NAT10: variants seen among roughly 807,000 people sequenced by gnomAD.
NAT10 encodes RNA cytidine acetyltransferase.
A neutral mutation model predicts 132.2 loss-of-function variants in NAT10; 109 were observed. That is an observed-to-expected ratio of 0.82 (90% CI 0.71 to 0.97). NAT10 has a LOEUF of 0.97. Ranked by LOEUF, NAT10 falls within the 50% of genes least tolerant of loss-of-function variation. The pLI, the probability that NAT10 is intolerant of heterozygous loss-of-function variation, is 0.00. For missense variants in NAT10, 1,184 were observed against 1,263.4 expected, an observed-to-expected ratio of 0.94 and a Z score of 0.95; for synonymous variants, 479 against 478.0, an observed-to-expected ratio of 1.00 and a Z score of -0.03.
Position 34,143,434 on chromosome 11 carries a change from C to CT in NAT10, c.2886-3dup, listed in dbSNP as rs751504103. The CT allele has an allele frequency of 1.1e-5, 17 of 1,605,310 alleles. No homozygotes were observed. Among genetic ancestry groups the CT allele is most frequent in the Middle Eastern group, 1.7e-4 (1 of 6,022 alleles). ...TCTAGCAGGCTTTGATAGTTCCCTT[C>CT]TTTTTTTTAGATACATAATCCGTGG... is the stretch of plus-strand genomic sequence containing the variant. On this transcript the variant is annotated splice_polypyrimidine_tract_variant and intron_variant, in intron 27 of 28. Transcript: ENST00000257829.
intron 1 of NAT10, among the ~76,000 whole-genome samples, chr11:34,106,502 G>A (rs1182092352): frequency 6.6e-6 from 1 of 151,838 alleles, no homozygotes; most frequent in Non-Finnish European, 1.5e-5. Flanking sequence ...CAAGAAGAAT[G>A]CAAGCTTGAA....
At chr11:34,142,008 C>G in intron 26 of NAT10, 191 bp downstream of exon 26, 1 of 626,908 alleles carries the variant, frequency 1.6e-6, no homozygotes, top group East Asian at 2.7e-5. Context: ...AGAGTTGTGC[C>G]TCCCACTGAT....
chr11:34,125,665 A>G (rs574098252), intron 11 of NAT10, among the ~76,000 whole-genome samples: 36 of 152,316 alleles, frequency 2.4e-4, no homozygotes, highest in African/African-American at 7.9e-4. Flanking sequence ...TTCTGCTGCT[A>G]GAAATGAGCA....
rs748752419 is a variant in NAT10 at position 34,131,370 on chromosome 11, G to T, written c.1370-11G>T. On this transcript the variant is annotated splice_polypyrimidine_tract_variant and intron_variant, in intron 13 of 28. Coordinates refer to ENST00000257829, the MANE Select transcript of NAT10 (RefSeq NM_024662.3). ...TGTTTCTTCTTTTGTGTGTGTGATT[G>T]TGGGGAGCAGCGCGGACACTGTATG... is the stretch of plus-strand genomic sequence containing the variant. 5.6e-6 allele frequency: 9 copies of T among 1,598,014 alleles called. 1 individual carries two copies. In the South Asian group the frequency reaches 1.0e-4, roughly 18 times the overall value.
chr11:34,135,570 T>G (rs544418649), intron 19 of NAT10, among the ~76,000 whole-genome samples: 1 of 152,332 alleles, frequency 6.6e-6, no homozygotes, highest in African/African-American at 2.4e-5. Flanking sequence ...GATTCTCAGG[T>G]GATTCTGATG....
intron 19 of NAT10, among the ~76,000 whole-genome samples, chr11:34,136,401 C>T (rs968309979): frequency 1.3e-5 from 2 of 152,222 alleles, no homozygotes; most frequent in Non-Finnish European, 2.9e-5. Flanking sequence ...CGTTTCTAAA[C>T]TCTTTGGCTG....
At chr11:34,131,329 A>G (rs1852100778) in intron 13 of NAT10, 52 bp from the exon 14 acceptor site, 1 of 1,563,318 alleles carries the variant, frequency 6.4e-7, no homozygotes, top group African/African-American at 1.4e-5. Flanking sequence ...TTTTTAGACA[A>G]TACATATTTA....
intron 8 of NAT10, among the ~76,000 whole-genome samples, chr11:34,121,882 A>T (rs1273123574): frequency 2.8e-5 from 4 of 144,616 alleles, no homozygotes; most frequent in African/African-American, 1.0e-4. Context: ...AAAAAAAAAA[A>T]GGTCTGGTGT....
At chr11:34,116,372 G>A (rs191398962) in intron 6 of NAT10, among the ~76,000 whole-genome samples, 6 of 152,196 alleles carry the variant, frequency 3.9e-5, no homozygotes, top group Admixed American at 2.6e-4. Flanking sequence ...CAAATATGGT[G>A]TACGGTTTGT....
intron 16 of NAT10, among the ~76,000 whole-genome samples, chr11:34,134,065 G>A (rs1296897967): frequency 2.0e-5 from 3 of 152,056 alleles, no homozygotes; most frequent in Non-Finnish European, 2.9e-5. Context: ...TCGGGAGGCT[G>A]AGGCAGGAAA....
At chr11:34,109,216 C>G (rs948442617) in intron 3 of NAT10, among the ~76,000 whole-genome samples, 1 of 152,064 alleles carries the variant, frequency 6.6e-6, no homozygotes, top group African/African-American at 2.4e-5. Context: ...AGGAAAACCC[C>G]TTTATGTACC....
intron 28 of NAT10, among the ~76,000 whole-genome samples, chr11:34,145,255 G>A (rs1852419507): frequency 6.6e-6 from 1 of 152,250 alleles, no homozygotes; most frequent in Non-Finnish European, 1.5e-5. Context: ...ACAAACCAGT[G>A]TTGTGTGGTT....
At chr11:34,113,575 G>C in intron 4 of NAT10, 141 bp from the exon 5 acceptor site, 1 of 1,035,728 alleles carries the variant, frequency 9.7e-7, no homozygotes, top group Non-Finnish European at 1.3e-6. Flanking sequence ...GGCTCAGGTG[G>C]GTGGTGAGCC....
chr11:34,114,407 A>C (rs1851749434), intron 5 of NAT10, among the ~76,000 whole-genome samples: 2 of 152,154 alleles, frequency 1.3e-5, no homozygotes, highest in South Asian at 4.1e-4. Flanking sequence ...GTTCAGAGGC[A>C]AGTTTTAAGT....
rs766639482 is a variant in NAT10, at chr11:34,141,776, G to T, written c.2770G>T (p.Val924Leu). Residue 924 changes from valine (V) to leucine (L), a missense_variant, in exon 26 of 29, where the codon GTG becomes TTG. Transcript: ENST00000257829. ...IEEQMVAAKD[V>L]VMEPTMKTLS... The stretch of plus-strand genomic sequence containing the variant: ...GGAGCAGATGGTGGCAGCGAAGGAT[G>T]TGGTCATGGAGCCCACGATGAAGAC... 6.2e-7 allele frequency: 1 copy of T among 1,614,096 alleles called. No individual in the cohort carries two copies. The highest frequency in any genetic ancestry group is 8.5e-7 in the Non-Finnish European group (1 of 1,180,034).
At position 34,141,109 on chromosome 11, in the gene NAT10, C is replaced by G; in HGVS notation, c.2613C>G (p.Gly871=). Reference sequence around the variant, plus strand: ...TTTAGGCTCTTCTCTTGGGGATTGGCCTGCAGCATAAGTCTGTGGACCAGC... The same window carrying G: ...TTTAGGCTCTTCTCTTGGGGATTGGGCTGCAGCATAAGTCTGTGGACCAGC... ...AAQSALLLGI[G]LQHKSVDQLE... is the part of the protein sequence containing the mutation. Residue 871 remains glycine (G), a synonymous_variant, in exon 25 of 29, where the codon GGC becomes GGG. Coordinates refer to ENST00000257829, the MANE Select transcript of NAT10 (RefSeq NM_024662.3). The G allele has an allele frequency of 6.2e-7, 1 of 1,613,948 alleles. No individual in the cohort carries two copies. The highest frequency in any genetic ancestry group is 8.5e-7 in the Non-Finnish European group (1 of 1,179,980).
In NAT10 at chr11:34,120,365, G is replaced by A. The variant is rs541978630; in HGVS notation, c.780+1862G>A. On this transcript the variant is annotated intron_variant, in intron 8 of 28. Transcript: ENST00000257829. ...CTTCAGGCAAGGCCAAGTTAAATAC[G>A]ACCTGGATTCCCTTTGAGTATTTTC... 3.9e-5 allele frequency among the ~76,000 whole-genome samples: 6 copies of A among 152,214 alleles called. No individual in the cohort carries two copies. The South Asian group carries it at 1.0e-3, about 26-fold the overall frequency.
Position 34,124,377 on chromosome 11 carries a change from C to T in NAT10, c.1084C>T (p.Arg362Ter), listed in dbSNP as rs751108174. The change falls in exon 11 of 29, where the codon CGA (arginine) becomes TGA (stop). Residue 362 changes from arginine to a stop codon, truncating the protein, a stop_gained. Transcript: ENST00000257829. LOFTEE classifies it high-confidence loss of function. ...NKAVIRVNVF[R>*]EHRQTIQYIH... is the part of the protein sequence containing the mutation. ...AGCAGTGATCAGAGTGAATGTATTT[C>T]GAGAACACAGGCAGACTATTCAGGT... The T allele has an allele frequency of 2.6e-5, 42 of 1,613,588 alleles. No individual in the cohort carries two copies. In the South Asian group the frequency reaches 3.3e-4, roughly 13 times the overall value.
chr11:34,122,412 A>C (rs1251678558), intron 8 of NAT10, 47 bp from the exon 9 acceptor site: 1 of 1,610,704 alleles, frequency 6.2e-7, no homozygotes, highest in African/African-American at 1.3e-5. Flanking sequence ...AATGGTGGAA[A>C]CTTGGGTCTT....
Sources: gnomAD v4.1 joint callset for allele counts (sites outside exome capture counted in the v4.1 genomes callset) on GRCh38, gnomAD v4.1.1 for gene constraint, MANE v1.5 for transcripts, NCBI Gene and HGNC (gene_info 2026-07-23, HGNC 2026-07-21) for gene names.